Variants in PDE10A observed in about 807,000 individuals in gnomAD.
PDE10A encodes the protein cAMP and cAMP-inhibited cGMP 3',5'-cyclic phosphodiesterase 10A.
A neutral mutation model predicts 97.7 loss-of-function variants in PDE10A; 39 were observed. The ratio of observed to expected loss-of-function variants is 0.40; its 90% CI spans 0.31 to 0.52. The LOEUF (loss-of-function observed/expected upper bound fraction) is 0.52, where lower values mean the gene tolerates loss of function less well. PDE10A is among the 20% of genes least tolerant of loss of function. PDE10A has a pLI of 0.56. For synonymous variants in PDE10A, 371 were observed against 376.8 expected, an observed-to-expected ratio of 0.98 and a Z score of 0.18; for missense variants, 731 against 1,047.8, an observed-to-expected ratio of 0.70 and a Z score of 4.17.
intron 1 of PDE10A, among the ~76,000 whole-genome samples, chr6:165,612,358 A>G (rs544436129): frequency 2.6e-5 from 4 of 151,732 alleles, no homozygotes; most frequent in Admixed American, 2.6e-4. Flanking sequence ...TTAGAAAATG[A>G]TGTGAGAAAT....
At chr6:165,544,105 A>C (rs1266701232) in intron 1 of PDE10A, among the ~76,000 whole-genome samples, 2 of 152,226 alleles carry the variant, frequency 1.3e-5, no homozygotes, top group African/African-American at 4.8e-5. Flanking sequence ...CTCTAGCAAG[A>C]GTAGTAAACA....
At chr6:165,399,996 A>G (rs1786516218) in intron 13 of PDE10A, among the ~76,000 whole-genome samples, 1 of 152,364 alleles carries the variant, frequency 6.6e-6, no homozygotes, top group South Asian at 2.1e-4. Flanking sequence ...CAAACGGATC[A>G]GTGGAACTAA....
At chr6:165,673,634 A>G (rs925547290) in intron 1 of PDE10A, among the ~76,000 whole-genome samples, 1 of 152,230 alleles carries the variant, frequency 6.6e-6, no homozygotes, top group African/African-American at 2.4e-5. Flanking sequence ...TTAGCGATAC[A>G]TTCTGTCTTC....
chr6:165,648,912 G>A (rs1244193439), intron 1 of PDE10A, among the ~76,000 whole-genome samples: 1 of 152,186 alleles, frequency 6.6e-6, no homozygotes, highest in Non-Finnish European at 1.5e-5. Flanking sequence ...CAGAGTGAAA[G>A]GACCGTGCAG....
chr6:165,940,658 G>C (rs1783487815), intron 1 of PDE10A: 1 of 152,274 alleles, frequency 6.6e-6, no homozygotes, highest in Non-Finnish European at 1.5e-5. Flanking sequence ...CTTTCTGGGG[G>C]TGCTTCCTCG....
At chr6:165,881,698 C>A (rs1032679450) in intron 1 of PDE10A, among the ~76,000 whole-genome samples, 5 of 151,868 alleles carry the variant, frequency 3.3e-5, no homozygotes, top group Admixed American at 3.3e-4. Context: ...CTGAGCCCAG[C>A]CCAAGCAATT....
chr6:165,619,946 G>A (rs1468786305), intron 1 of PDE10A, among the ~76,000 whole-genome samples: 1 of 152,080 alleles, frequency 6.6e-6, no homozygotes, highest in East Asian at 1.9e-4. Flanking sequence ...ATGGCACCCA[G>A]TCAATGTTAA....
At chr6:165,600,615 T>A (rs1257047991) in intron 1 of PDE10A, among the ~76,000 whole-genome samples, 1 of 152,212 alleles carries the variant, frequency 6.6e-6, no homozygotes, top group African/African-American at 2.4e-5. Context: ...TAGTCACCTT[T>A]CCGGCATTGA....
chr6:165,983,816 A>C (rs752583177), intron 1 of PDE10A, among the ~76,000 whole-genome samples: 2 of 152,246 alleles, frequency 1.3e-5, no homozygotes, highest in Non-Finnish European at 2.9e-5. Context: ...GAGGCAGAGA[A>C]AATGCAGTTT....
At chr6:165,499,506 A>G (rs1780742192) in intron 2 of PDE10A, among the ~76,000 whole-genome samples, 1 of 152,236 alleles carries the variant, frequency 6.6e-6, no homozygotes, top group African/African-American at 2.4e-5. Context: ...CTACTTCTTC[A>G]GCATTTCTGT....
At chr6:165,580,015 C>G (rs2128353859) in intron 1 of PDE10A, among the ~76,000 whole-genome samples, 1 of 152,286 alleles carries the variant, frequency 6.6e-6, no homozygotes, top group South Asian at 2.1e-4. Context: ...TTTCCTGTGG[C>G]ACTCTAAACT....
intron 1 of PDE10A, among the ~76,000 whole-genome samples, chr6:165,854,898 C>A (rs1780678544): frequency 6.6e-6 from 1 of 152,140 alleles, no homozygotes; most frequent in Non-Finnish European, 1.5e-5. Context: ...GAGGGGACCG[C>A]GGGTCCCAGG....
At chr6:165,599,174 C>G (rs977013391) in intron 1 of PDE10A, among the ~76,000 whole-genome samples, 1 of 152,252 alleles carries the variant, frequency 6.6e-6, no homozygotes, top group Non-Finnish European at 1.5e-5. Flanking sequence ...ACTACTGTGA[C>G]TGCCAGCATT....
At chr6:165,901,026 G>A (rs1187914441) in intron 1 of PDE10A, among the ~76,000 whole-genome samples, 3 of 152,174 alleles carry the variant, frequency 2.0e-5, no homozygotes, top group African/African-American at 7.2e-5. Flanking sequence ...GAGAGCCCAG[G>A]CTGCGTGGGA....
intron 1 of PDE10A, among the ~76,000 whole-genome samples, chr6:165,636,053 CTT>C (rs745911026): frequency 6.6e-6 from 1 of 152,166 alleles, no homozygotes; most frequent in Non-Finnish European, 1.5e-5. Flanking sequence ...TCCCTTAGCT[CTT>C]GTTTTATTTT....
At chr6:165,881,377 TTTC>T (rs1264595708) in intron 1 of PDE10A, among the ~76,000 whole-genome samples, 2 of 142,446 alleles carry the variant, frequency 1.4e-5, no homozygotes, top group African/African-American at 5.2e-5. Flanking sequence ...AGCAATTTCT[TTTC>T]TTTTTTCTTT....
chr6:165,943,175 A>G (rs201854962), intron 1 of PDE10A, among the ~76,000 whole-genome samples: 102 of 68,392 alleles, frequency 1.5e-3, no homozygotes, highest in African/African-American at 3.7e-3. Flanking sequence ...AAAGAAAGAA[A>G]AAAGAAAGAA....
chr6:165,544,198 C>A (rs550642915), intron 1 of PDE10A, among the ~76,000 whole-genome samples: 10 of 152,240 alleles, frequency 6.6e-5, no homozygotes, highest in African/African-American at 2.4e-4. Context: ...TATTGCCTTA[C>A]AACACAAATC....
intron 3 of PDE10A, among the ~76,000 whole-genome samples, chr6:165,473,501 A>G (rs1779129316): frequency 6.6e-6 from 1 of 152,214 alleles, no homozygotes; most frequent in South Asian, 2.1e-4. Context: ...GTCCATGGAA[A>G]GACATTTTGA....
Sources: allele counts gnomAD v4.1 joint callset (sites outside exome capture counted in the v4.1 genomes callset), GRCh38; gene constraint gnomAD v4.1.1; transcripts MANE v1.5; gene names NCBI Gene and HGNC (gene_info 2026-07-23, HGNC 2026-07-21).